PIK3CD: variants seen among roughly 807,000 people sequenced by gnomAD.
PIK3CD encodes the protein phosphatidylinositol 4,5-bisphosphate 3-kinase catalytic subunit delta isoform.
PIK3CD carries 20 observed loss-of-function variants against 122.9 expected under a neutral mutation model. That is an observed-to-expected ratio of 0.16 (90% CI 0.11 to 0.24). The LOEUF (loss-of-function observed/expected upper bound fraction) is 0.24, where lower values mean the gene tolerates loss of function less well. Among genes scored for constraint, PIK3CD ranks in the 10% least tolerant of loss-of-function variants. PIK3CD has a pLI of 1.00. For missense variants in PIK3CD, 787 were observed against 1,406.3 expected, an observed-to-expected ratio of 0.56 and a Z score of 7.04; for synonymous variants, 596 against 593.4, an observed-to-expected ratio of 1.00 and a Z score of -0.06.
intron 16 of PIK3CD, 51 bp downstream of exon 16, chr1:9,721,911 G>A: frequency 1.2e-6 from 2 of 1,612,362 alleles, no homozygotes; most frequent in Non-Finnish European, 1.7e-6. Flanking sequence ...TGAGCGTCTG[G>A]GAATCCCCAG....
chr1:9,680,589 C>A, intron 1 of PIK3CD: 1 of 155,898 alleles, frequency 6.4e-6, no homozygotes, highest in Non-Finnish European at 1.4e-5. Flanking sequence ...CTGTTCTGGA[C>A]ATTTCATATA....
upstream of PIK3CD, among the ~76,000 whole-genome samples, chr1:9,650,485 G>A (rs1415293778): frequency 6.6e-6 from 1 of 151,942 alleles, no homozygotes; most frequent in Non-Finnish European, 1.5e-5. Flanking sequence ...TCAGCTGGGT[G>A]TCGTGGCGTG....
intron 1 of PIK3CD, among the ~76,000 whole-genome samples, chr1:9,654,772 C>A (rs1031204862): frequency 5.3e-5 from 8 of 152,104 alleles, no homozygotes; most frequent in African/African-American, 1.9e-4. Flanking sequence ...TCAGAAGGCT[C>A]TTTCAGGCTG....
At chr1:9,702,500 C>CCTTTTTTTTTTTTTTTTTTTTT (rs1646675709) in intron 2 of PIK3CD, among the ~76,000 whole-genome samples, 1 of 25,804 alleles carries the variant, frequency 3.9e-5, no homozygotes, top group Non-Finnish European at 1.0e-4. Context: ...AAGAACTTTC[C>CCTTTTTTTTTTTTTTTTTTTTT]TTTTTTTTTT....
In PIK3CD at chr1:9,700,207, T is replaced by C. The variant is rs1026137715; in HGVS notation, c.-33+8636T>C. On this transcript the variant is annotated intron_variant, in intron 2 of 23. Transcript: ENST00000377346. The surrounding 1 kb of genome is among the most constrained non-coding windows in gnomAD (Gnocchi z 5.1). ...ATGCAGTGGTGTGATCTCGGCTCATTGCAGCCTCCCCCTCGCAGGTTCAAG... is the reference window on the plus strand; with the variant it reads ...ATGCAGTGGTGTGATCTCGGCTCATCGCAGCCTCCCCCTCGCAGGTTCAAG... 2.0e-5 allele frequency among the ~76,000 whole-genome samples: 3 copies of C among 149,496 alleles called. No homozygotes were observed. Among genetic ancestry groups the C allele is most frequent in the African/African-American group, 7.4e-5 (3 of 40,480 alleles).
At chr1:9,683,444 A>AT (rs1341581794) in intron 1 of PIK3CD, among the ~76,000 whole-genome samples, 14 of 139,318 alleles carry the variant, frequency 1.0e-4, no homozygotes, top group African/African-American at 3.6e-4. Flanking sequence ...TCTCAAAAAA[A>AT]AAAAATAAAA....
rs1647859738 is a variant in PIK3CD, at chr1:9,718,218, G to A, written c.1021-476G>A. ...GAAATCGTATAAGCAGGGCAGGTCTGGGTTCCACTGGCAGGAATCGAGGGG... is the reference window on the plus strand; with the variant it reads ...GAAATCGTATAAGCAGGGCAGGTCTAGGTTCCACTGGCAGGAATCGAGGGG... On this transcript the variant is annotated intron_variant, in intron 8 of 23. Coordinates refer to ENST00000377346, the MANE Select transcript of PIK3CD (RefSeq NM_005026.5). The surrounding 1 kb of genome is among the most constrained non-coding windows in gnomAD (Gnocchi z 7.2). 2.1e-6 allele frequency: 1 copy of A among 467,574 alleles called. No homozygotes were observed. The highest frequency in any genetic ancestry group is 4.3e-6 in the Non-Finnish European group (1 of 235,228). 29.0% of individuals were successfully genotyped at this position (467,574 alleles called of 1,614,324 possible).
Position 9,722,023 on chromosome 1 carries a change from A to C in PIK3CD, c.2104A>C (p.Ser702Arg). 1 of 1,613,698 alleles carries C rather than the reference A, an allele frequency of 6.2e-7. No individual in the cohort carries two copies. The highest frequency in any genetic ancestry group is 8.5e-7 in the Non-Finnish European group (1 of 1,180,012). Reference sequence around the variant, plus strand: ...GGCCCTGAATGACTTCGTCAAGCTGAGCTCTCAGAAGACCCCCAAGCCCCA... The same window carrying C: ...GGCCCTGAATGACTTCGTCAAGCTGCGCTCTCAGAAGACCCCCAAGCCCCA... ...LKALNDFVKLSSQKTPKPQTK... is the reference protein window; with the variant it reads ...LKALNDFVKLRSQKTPKPQTK... The change falls in exon 17 of 24, where the codon AGC becomes CGC. Residue 702 changes from serine (S) to arginine (R), a missense_variant. Ser to Arg is a moderately radical substitution (Grantham distance 110, BLOSUM62 -1). Around this residue, in one of 6 missense-constraint regions of PIK3CD, gnomAD observed 48 missense variants for 71.9 expected, o/e 0.67. Transcript: ENST00000377346. This position sits in a 1 kb window ranked among gnomAD's most constrained non-coding sequence, Gnocchi z 7.6.
In PIK3CD at chr1:9,652,280, G is replaced by A. The variant is rs1435921791; in HGVS notation, c.-138+478G>A. On this transcript the variant is annotated intron_variant, in intron 1 of 23. Transcript: ENST00000377346. This position sits in a 1 kb window ranked among gnomAD's most constrained non-coding sequence, Gnocchi z 6.2. ...CGGGGTCCACAGAGAGCGCGCTGGT[G>A]ATGTCGCCCGAGTGCCCTGGCGCGG... 6.6e-6 allele frequency among the ~76,000 whole-genome samples: 1 copy of A among 152,188 alleles called. No homozygotes were observed. The highest frequency in any genetic ancestry group is 1.5e-5 in the Non-Finnish European group (1 of 68,018).
At chr1:9,703,530 A>G (rs2100671259) in intron 2 of PIK3CD, among the ~76,000 whole-genome samples, 1 of 152,292 alleles carries the variant, frequency 6.6e-6, no homozygotes, top group South Asian at 2.1e-4. Context: ...AACCTGGGGT[A>G]ACCCCTATTT....
At chr1:9,634,000 C>T in the PIK3CD span, among the ~76,000 whole-genome samples, 59,443 of 151,602 alleles carry the variant, frequency 0.39, 13,817 homozygotes, top group East Asian at 0.82. Flanking sequence ...TTAGACAGGG[C>T]CTTGCTCTGT....
intron 1 of PIK3CD, among the ~76,000 whole-genome samples, chr1:9,663,589 A>AT (rs58047442): frequency 0.21 from 31,956 of 151,564 alleles, 4,841 homozygotes; most frequent in East Asian, 0.56. Context: ...TTTTTTTAAT[A>AT]TTTTTTTATT....
rs759105207 is a variant in PIK3CD, at chr1:9,719,894, G to C, written c.1243-27G>C. Reference sequence around the variant, plus strand: ...TGGGTCTGGAGGCCCCTGAGTGGCTGTCCTCACCTGCCCTGTCCTTCTGCA... The same window carrying C: ...TGGGTCTGGAGGCCCCTGAGTGGCTCTCCTCACCTGCCCTGTCCTTCTGCA... On this transcript the variant is annotated intron_variant, in intron 9 of 23. Coordinates refer to ENST00000377346, the MANE Select transcript of PIK3CD (RefSeq NM_005026.5). This position sits in a 1 kb window ranked among gnomAD's most constrained non-coding sequence, Gnocchi z 5.5. 7.5e-6 allele frequency: 12 copies of C among 1,599,480 alleles called. No homozygotes were observed. The highest frequency in any genetic ancestry group is 1.0e-5 in the Non-Finnish European group (12 of 1,167,488).
At position 9,727,824 on chromosome 1, in the gene PIK3CD, A is replaced by ATTTT. The variant is rs1649916463; in HGVS notation, c.*778_*779insTTTT. 6.2e-6 allele frequency: 1 copy of ATTTT among 161,046 alleles called. No individual in the cohort carries two copies. Among genetic ancestry groups the ATTTT allele is most frequent in the African/African-American group, 3.1e-5 (1 of 32,196 alleles). 10.0% of individuals were successfully genotyped at this position (161,046 alleles called of 1,614,324 possible). ...CTCAAAAATCTTTTTTTTTTTTTTG[A>ATTTT]GATGGGGTCTTCCTCTGTTGCCCAG... On this transcript the variant is annotated 3_prime_UTR_variant, in exon 24 of 24. Transcript: ENST00000377346.
Position 9,720,523 on chromosome 1 carries a change from G to C in PIK3CD, c.1471-88G>C. 6.5e-7 allele frequency: 1 copy of C among 1,543,124 alleles called. No homozygotes were observed. The highest frequency in any genetic ancestry group is 8.8e-7 in the Non-Finnish European group (1 of 1,142,006). ...ATGCAGAGGACAGCGCCCCCTCAAG[G>C]ATGATTGGGGTGGCAATGCCCGGCC... On this transcript the variant is annotated intron_variant, in intron 11 of 23. Coordinates refer to ENST00000377346, the MANE Select transcript of PIK3CD (RefSeq NM_005026.5). The surrounding 1 kb of genome is among the most constrained non-coding windows in gnomAD (Gnocchi z 9.0).
chr1:9,629,921 G>C, the PIK3CD span, among the ~76,000 whole-genome samples: 4 of 152,232 alleles, frequency 2.6e-5, no homozygotes, highest in East Asian at 1.9e-4. Context: ...ATGGGGTGAG[G>C]GGGGAGTGGG....
chr1:9,716,132 T>C (rs1647384880), intron 5 of PIK3CD, 54 bp downstream of exon 5: 2 of 1,426,016 alleles, frequency 1.4e-6, no homozygotes, highest in Non-Finnish European at 2.0e-6. Context: ...TGGGGAGCAC[T>C]TCCTCTGTGA....
intron 23 of PIK3CD, 123 bp from the exon 24 acceptor site, chr1:9,726,786 T>C (rs1394768955): frequency 3.2e-6 from 4 of 1,259,610 alleles, no homozygotes; most frequent in Non-Finnish European, 4.5e-6. Flanking sequence ...GAGCTTTTCC[T>C]GAGATGCTGG....
At chr1:9,679,499 C>T (rs779182880) in intron 1 of PIK3CD, among the ~76,000 whole-genome samples, 2 of 151,718 alleles carry the variant, frequency 1.3e-5, no homozygotes, top group South Asian at 2.1e-4. Flanking sequence ...GTAGGCTGAG[C>T]GCCCCACACC....
Sources: allele counts gnomAD v4.1 joint callset (sites outside exome capture counted in the v4.1 genomes callset), GRCh38; gene constraint gnomAD v4.1.1; regional missense constraint gnomAD v4.1.1; non-coding constraint Gnocchi (gnomAD v3.1); transcripts MANE v1.5; gene names NCBI Gene and HGNC (gene_info 2026-07-23, HGNC 2026-07-21).